Variants in SNCAIP observed in about 807,000 individuals in gnomAD.
SNCAIP encodes the protein synuclein alpha interacting protein.
A neutral mutation model predicts 86.7 loss-of-function variants in SNCAIP; 43 were observed. The observed-to-expected ratio is 0.50, with a 90% confidence interval of 0.39 to 0.64. SNCAIP has a LOEUF of 0.64. Among genes scored for constraint, SNCAIP ranks in the 30% least tolerant of loss-of-function variants. SNCAIP has a pLI of 0.00. For synonymous variants in SNCAIP, 417 were observed against 427.2 expected (o/e 0.98, Z 0.29); for missense variants, 981 against 1,103.1 (o/e 0.89, Z 1.57).
chr5:122,462,520 G>A lies in SNCAIP; in HGVS notation c.2755-971G>A, dbSNP rs1288173033. Among the ~76,000 whole-genome samples, 3 of 151,752 alleles carry A rather than the reference G, an allele frequency of 2.0e-5. No homozygotes were observed. In the East Asian group the frequency reaches 5.8e-4, roughly 29 times the overall value. ...TTCACCTCTTCCCTTTCCCTTTCTT[G>A]CCCATGGACAGCTCTCTAAAGTTCC... On this transcript the variant is annotated intron_variant, in intron 10 of 10. Coordinates refer to ENST00000261368, the MANE Select transcript of SNCAIP (RefSeq NM_005460.4).
chr5:122,377,788 T>C (rs987483559), intron 1 of SNCAIP, among the ~76,000 whole-genome samples: 9 of 146,434 alleles, frequency 6.1e-5, no homozygotes, highest in African/African-American at 2.0e-4. Flanking sequence ...GAATATGCGG[T>C]GTTTGGTTTT....
chr5:122,450,050 T>G, intron 9 of SNCAIP, 113 bp downstream of exon 9: 1 of 787,424 alleles, frequency 1.3e-6, no homozygotes, highest in South Asian at 1.6e-5. Context: ...CATTTTCTTC[T>G]TATAAAGAGG....
intron 5 of SNCAIP, among the ~76,000 whole-genome samples, chr5:122,426,394 A>G (rs1777377688): frequency 6.6e-6 from 1 of 152,158 alleles, no homozygotes; most frequent in African/African-American, 2.4e-5. Flanking sequence ...TGTTAGAGAA[A>G]CCTACATGTG....
chr5:122,391,468 G>A (rs1769338164), intron 2 of SNCAIP, among the ~76,000 whole-genome samples: 1 of 152,158 alleles, frequency 6.6e-6, no homozygotes, highest in African/African-American at 2.4e-5. Context: ...TATTGATTGA[G>A]TATACTTACA....
intron 1 of SNCAIP, among the ~76,000 whole-genome samples, chr5:122,382,166 C>CT (rs1766979765): frequency 6.6e-6 from 1 of 152,222 alleles, no homozygotes; most frequent in Admixed American, 6.5e-5. Context: ...CTCCCCATCA[C>CT]TTTCAGGTAC....
At chr5:122,326,485 T>TTAGAAAA (rs1163968463) in intron 1 of SNCAIP, among the ~76,000 whole-genome samples, 1 of 152,086 alleles carries the variant, frequency 6.6e-6, no homozygotes, top group Non-Finnish European at 1.5e-5. Flanking sequence ...TTCCATTTGA[T>TTAGAAAA]AATAAATTTG....
At chr5:122,342,771 T>A (rs1757844720) in intron 1 of SNCAIP, among the ~76,000 whole-genome samples, 1 of 152,228 alleles carries the variant, frequency 6.6e-6, no homozygotes, top group African/African-American at 2.4e-5. Context: ...CCAGTATGTA[T>A]GATGCATTCC....
chr5:122,326,972 A>G (rs191157896), intron 1 of SNCAIP, among the ~76,000 whole-genome samples: 70 of 149,656 alleles, frequency 4.7e-4, no homozygotes, highest in Non-Finnish European at 8.1e-4. Context: ...GTATGTATGT[A>G]TTGCCTTTGA....
rs1010912193 is a variant in SNCAIP, at chr5:122,409,632, G to T, written c.130+5767G>T. 2.0e-5 allele frequency among the ~76,000 whole-genome samples: 3 copies of T among 152,268 alleles called. No homozygotes were observed. The East Asian group carries it at 5.8e-4, about 29-fold the overall frequency. ...TGGTGTCTGGCATTAAAGTCATGTA[G>T]GTTGTACATTTAAAAGCATTGCAAA... On this transcript the variant is annotated intron_variant, in intron 3 of 10. Transcript: ENST00000261368.
At chr5:122,413,229 A>G (rs1774521471) in intron 3 of SNCAIP, among the ~76,000 whole-genome samples, 3 of 152,224 alleles carry the variant, frequency 2.0e-5, no homozygotes. Context: ...GTCCCTGATG[A>G]CATCCCCCAG....
chr5:122,375,583 T>C (rs1580791630), intron 1 of SNCAIP, among the ~76,000 whole-genome samples: 2 of 151,666 alleles, frequency 1.3e-5, no homozygotes, highest in African/African-American at 2.4e-5. Flanking sequence ...AAAGGCTGCA[T>C]TGAAAATTAT....
intron 6 of SNCAIP, among the ~76,000 whole-genome samples, chr5:122,433,223 C>T (rs757709720): frequency 7.2e-5 from 11 of 151,958 alleles, no homozygotes; most frequent in South Asian, 4.2e-4. Flanking sequence ...GTGTGCCAGG[C>T]ACCACGCCAT....
chr5:122,335,219 AG>A (rs1423168933), intron 1 of SNCAIP, among the ~76,000 whole-genome samples: 3 of 152,160 alleles, frequency 2.0e-5, no homozygotes, highest in African/African-American at 7.2e-5. Flanking sequence ...TTTATAGAGA[AG>A]TTTGAGATGA....
intron 1 of SNCAIP, among the ~76,000 whole-genome samples, chr5:122,361,919 A>C (rs1762292577): frequency 1.3e-5 from 2 of 152,228 alleles, no homozygotes; most frequent in Admixed American, 1.3e-4. Flanking sequence ...ATGATTATGA[A>C]AGAATGATCC....
At chr5:122,412,130 CTT>C (rs1774266560) in intron 3 of SNCAIP, among the ~76,000 whole-genome samples, 1 of 152,104 alleles carries the variant, frequency 6.6e-6, no homozygotes, top group Non-Finnish European at 1.5e-5. Flanking sequence ...GATATTATTC[CTT>C]TTCTCCCTCC....
chr5:122,442,112 CTTTTTTTTTTT>C (rs10688988), intron 7 of SNCAIP, among the ~76,000 whole-genome samples: 3 of 65,732 alleles, frequency 4.6e-5, no homozygotes, highest in African/African-American at 1.2e-4. Flanking sequence ...AAGCAGTACT[CTTTTTTTTTTT>C]TTTTTTTTTT....
intron 1 of SNCAIP, among the ~76,000 whole-genome samples, chr5:122,366,870 A>G (rs534801053): frequency 1.4e-4 from 21 of 151,994 alleles, no homozygotes; most frequent in Non-Finnish European, 2.9e-4. Context: ...AGTTGTGTAG[A>G]CTCCTAGAAT....
At chr5:122,448,964 C>T (rs541254033) in intron 8 of SNCAIP, among the ~76,000 whole-genome samples, 120 of 150,476 alleles carry the variant, frequency 8.0e-4, no homozygotes, top group African/African-American at 2.7e-3. Context: ...TCCAGTGAGC[C>T]GAGATAGCAC....
chr5:122,376,558 T>C (rs1765369759), intron 1 of SNCAIP, among the ~76,000 whole-genome samples: 1 of 152,170 alleles, frequency 6.6e-6, no homozygotes, highest in African/African-American at 2.4e-5. Context: ...ATTTTCTTCT[T>C]CTTTGGACCT....
Sources: allele counts gnomAD v4.1 joint callset (sites outside exome capture counted in the v4.1 genomes callset), GRCh38; gene constraint gnomAD v4.1.1; transcripts MANE v1.5; gene names NCBI Gene and HGNC (gene_info 2026-07-23, HGNC 2026-07-21).